The following FUT9 variants were observed in gnomAD, a reference collection of about 807,000 sequenced individuals.
FUT9 encodes the protein fucosyltransferase 9.
In FUT9, 15 loss-of-function variants were observed where a neutral mutation model predicts 29.7. The observed-to-expected ratio is 0.51, with a 90% CI of 0.34 to 0.78. FUT9 has a LOEUF of 0.78. Among genes scored for constraint, FUT9 ranks in the 30% least tolerant of loss-of-function variants. The pLI, the probability that FUT9 is intolerant of heterozygous loss-of-function variation, is 0.01. For missense variants in FUT9, 319 were observed against 425.4 expected (o/e 0.75, Z 2.20); for synonymous variants, 169 against 153.7 (o/e 1.10, Z -0.74).
intron 1 of FUT9, among the ~76,000 whole-genome samples, chr6:96,073,309 C>T (rs369475171): frequency 9.9e-5 from 15 of 151,968 alleles, no homozygotes; most frequent in African/African-American, 2.4e-4. Context: ...ATTAGCCAGG[C>T]GTGGTGACAC....
intron 2 of FUT9, among the ~76,000 whole-genome samples, chr6:96,144,118 G>A (rs1356769275): frequency 1.3e-5 from 2 of 152,152 alleles, no homozygotes; most frequent in Non-Finnish European, 2.9e-5. Context: ...GGAGGCTTCA[G>A]CTGCACACAC....
At position 96,214,090 on chromosome 6, in the gene FUT9, T is replaced by A. The variant is rs1034466850; in HGVS notation, c.*9855T>A. The A allele has an allele frequency of 6.0e-6, 1 of 166,966 alleles. No individual in the cohort carries two copies. Among genetic ancestry groups the A allele is most frequent in the South Asian group, 2.1e-4 (1 of 4,826 alleles). 10.3% of individuals were successfully genotyped at this position (166,966 alleles called of 1,614,324 possible). A position where few individuals can be genotyped will look rare whatever the true frequency, so the allele number is the denominator to read the frequency against. ...CAATGCTGCGTTTCTTTTTTCTAAC[T>A]GCAGCATATTGTGGTAAATTTTCTC... On this transcript the variant is annotated 3_prime_UTR_variant, in exon 3 of 3. Transcript: ENST00000302103.
chr6:96,149,876 T>C (rs567021800), intron 2 of FUT9, among the ~76,000 whole-genome samples: 1 of 152,258 alleles, frequency 6.6e-6, no homozygotes, highest in Non-Finnish European at 1.5e-5. Flanking sequence ...TTTTAGTTAT[T>C]TTGAAATATA....
At chr6:96,176,961 T>A (rs1773215641) in intron 2 of FUT9, among the ~76,000 whole-genome samples, 2 of 152,170 alleles carry the variant, frequency 1.3e-5, no homozygotes, top group African/African-American at 4.8e-5. Context: ...TCCAGCTGCA[T>A]CTACATCCCA....
At chr6:96,067,405 A>T in intron 1 of FUT9, among the ~76,000 whole-genome samples, 1 of 102,676 alleles carries the variant, frequency 9.7e-6, no homozygotes, top group East Asian at 3.1e-4. Flanking sequence ...TATGAAACAG[A>T]AAGATTTTAA....
intron 1 of FUT9, among the ~76,000 whole-genome samples, chr6:96,055,556 G>GGGTA (rs1770748111): frequency 2.0e-5 from 3 of 151,456 alleles, no homozygotes; most frequent in Non-Finnish European, 4.4e-5. Flanking sequence ...TATTGTTCAA[G>GGGTA]GGTAAATGTG....
chr6:96,062,703 T>A (rs9373630), intron 1 of FUT9, among the ~76,000 whole-genome samples: 82,917 of 151,944 alleles, frequency 0.55, 22,741 homozygotes, highest in South Asian at 0.63. Context: ...TTTTTTCTTC[T>A]TTATACCTTT....
At chr6:96,180,627 A>C (rs1773288715) in intron 2 of FUT9, among the ~76,000 whole-genome samples, 1 of 152,046 alleles carries the variant, frequency 6.6e-6, no homozygotes, top group Non-Finnish European at 1.5e-5. Context: ...CCTGCCACCA[A>C]CACTCTCCTA....
At chr6:96,072,484 C>T (rs1477930982) in intron 1 of FUT9, among the ~76,000 whole-genome samples, 2 of 152,040 alleles carry the variant, frequency 1.3e-5, no homozygotes, top group Non-Finnish European at 2.9e-5. Context: ...ACTCACTTGT[C>T]GGAATCTTTA....
chr6:96,077,948 A>G (rs1213060925), intron 1 of FUT9, among the ~76,000 whole-genome samples: 1 of 152,172 alleles, frequency 6.6e-6, no homozygotes, highest in Non-Finnish European at 1.5e-5. Flanking sequence ...CGAAATTTCA[A>G]GGTGCTGCAC....
rs185151087 is a variant in FUT9 at position 96,088,064 on chromosome 6, C to T, written c.-97-25975C>T. Among the ~76,000 whole-genome samples the T allele has an allele frequency of 1.2e-3, 184 of 152,196 alleles. 1 individual carries two copies. Among genetic ancestry groups the T allele is most frequent in the African/African-American group, 4.2e-3 (176 of 41,544 alleles). ...TCCATTGTTTCTGATGAGAAATATGCTGTCATTCTTATCTTTATTTCCTAT... is the reference window on the plus strand; with the variant it reads ...TCCATTGTTTCTGATGAGAAATATGTTGTCATTCTTATCTTTATTTCCTAT... On this transcript the variant is annotated intron_variant, in intron 1 of 2. Coordinates refer to ENST00000302103, the MANE Select transcript of FUT9 (RefSeq NM_006581.4).
Position 96,128,336 on chromosome 6 carries a change from T to C in FUT9, c.-9+14209T>C, listed in dbSNP as rs553497446. On this transcript the variant is annotated intron_variant, in intron 2 of 2. Transcript: ENST00000302103. ...ATAAAAGAGGCAAATAAAGTATGAA[T>C]AGTCATTTCACAAAGGAAATAAAAA... Among the ~76,000 whole-genome samples, 17 of 152,246 alleles carry C rather than the reference T, an allele frequency of 1.1e-4. No homozygotes were observed. The South Asian group carries it at 3.5e-3, about 32-fold the overall frequency.
chr6:96,039,504 C>T (rs1280727979), intron 1 of FUT9, among the ~76,000 whole-genome samples: 1 of 152,064 alleles, frequency 6.6e-6, no homozygotes, highest in Non-Finnish European at 1.5e-5. Context: ...TTCATTCTGT[C>T]TCTTGAACTT....
intron 1 of FUT9, among the ~76,000 whole-genome samples, chr6:96,082,703 A>T (rs1192983219): frequency 6.6e-6 from 1 of 151,954 alleles, no homozygotes; most frequent in Non-Finnish European, 1.5e-5. Flanking sequence ...ATCTTTAAAC[A>T]ATTACATTGA....
intron 1 of FUT9, among the ~76,000 whole-genome samples, chr6:96,043,945 T>C (rs759576197): frequency 3.3e-5 from 5 of 152,244 alleles, no homozygotes; most frequent in Admixed American, 6.5e-5. Context: ...AACCATCTTG[T>C]GGCCTTTGAC....
intron 1 of FUT9, among the ~76,000 whole-genome samples, chr6:96,068,070 G>C (rs775749858): frequency 2.7e-4 from 41 of 152,130 alleles, no homozygotes; most frequent in Non-Finnish European, 1.2e-4. Flanking sequence ...CAACAGAAAA[G>C]ATGATTTTGA....
intron 2 of FUT9, among the ~76,000 whole-genome samples, chr6:96,150,324 G>A (rs963051442): frequency 1.3e-5 from 2 of 152,100 alleles, no homozygotes; most frequent in Non-Finnish European, 2.9e-5. Context: ...TTTAAAATAT[G>A]GAAATTAGTG....
rs889730200 is a variant in FUT9 at position 96,205,755 on chromosome 6, A to C, written c.*1520A>C. On this transcript the variant is annotated 3_prime_UTR_variant, in exon 3 of 3. Coordinates refer to ENST00000302103, the MANE Select transcript of FUT9 (RefSeq NM_006581.4). The stretch of plus-strand genomic sequence containing the variant: ...AAAATTAGAATGTTCTGAGACATCC[A>C]TTTGGGTCTATTTGTGACTTATTCG... 6.0e-6 allele frequency: 1 copy of C among 166,622 alleles called. No homozygotes were observed. The highest frequency in any genetic ancestry group is 2.1e-4 in the South Asian group (1 of 4,832). 10.3% of individuals were successfully genotyped at this position (166,622 alleles called of 1,614,324 possible). A position where few individuals can be genotyped will look rare whatever the true frequency, so the allele number is the denominator to read the frequency against.
At chr6:96,066,194 C>A (rs1206381701) in intron 1 of FUT9, among the ~76,000 whole-genome samples, 1 of 151,912 alleles carries the variant, frequency 6.6e-6, no homozygotes, top group African/African-American at 2.4e-5. Context: ...ATTGATTGGG[C>A]TCTGTTTTAG....
Sources: gnomAD v4.1 joint callset for allele counts (sites outside exome capture counted in the v4.1 genomes callset) on GRCh38, gnomAD v4.1.1 for gene constraint, MANE v1.5 for transcripts, NCBI Gene and HGNC (gene_info 2026-07-23, HGNC 2026-07-21) for gene names.